SETBP1: variants seen among roughly 807,000 people sequenced by gnomAD.
The protein encoded by SETBP1 is SET binding protein 1.
SETBP1 carries 9 observed loss-of-function variants against 101.0 expected under a neutral mutation model. The ratio of observed to expected loss-of-function variants is 0.09; its 90% CI spans 0.05 to 0.16. The LOEUF (loss-of-function observed/expected upper bound fraction) is 0.16, where lower values mean the gene tolerates loss of function less well. Ranked by LOEUF, SETBP1 falls within the 10% of genes least tolerant of loss-of-function variation. SETBP1 has a pLI of 1.00. For synonymous variants in SETBP1, 818 were observed against 788.5 expected (o/e 1.04, Z -0.63); for missense variants, 1,858 against 2,033.8 (o/e 0.91, Z 1.66).
At chr18:44,821,837 T>G (rs1165274957) in intron 2 of SETBP1, among the ~76,000 whole-genome samples, 1 of 152,238 alleles carries the variant, frequency 6.6e-6, no homozygotes, top group African/African-American at 2.4e-5. Flanking sequence ...AGCAAGGACC[T>G]GGGTCTCCTT....
chr18:44,733,119 A>G (rs2069875006), intron 2 of SETBP1: 1 of 152,168 alleles, frequency 6.6e-6, no homozygotes, highest in Non-Finnish European at 1.5e-5. Context: ...AGAGACCTCT[A>G]AATCTCACAA....
In SETBP1 at chr18:44,838,291, T is replaced by A. The variant is rs561812406; in HGVS notation, c.487-30939T>A. 2.0e-5 allele frequency among the ~76,000 whole-genome samples: 3 copies of A among 152,352 alleles called. No homozygotes were observed. In the South Asian group the frequency reaches 6.2e-4, roughly 32 times the overall value. On this transcript the variant is annotated intron_variant, in intron 2 of 5. Transcript: ENST00000649279. Reference sequence around the variant, plus strand: ...TTATCTACTCCTTTTGTATTGATGTTTAGTATTGAGCTGTATTCGCTTCAC... The same window carrying A: ...TTATCTACTCCTTTTGTATTGATGTATAGTATTGAGCTGTATTCGCTTCAC...
At chr18:45,060,355 C>A (rs1482604119) in intron 5 of SETBP1, among the ~76,000 whole-genome samples, 1 of 152,126 alleles carries the variant, frequency 6.6e-6, no homozygotes, top group African/African-American at 2.4e-5. Flanking sequence ...ACACTCCCAC[C>A]AACAGTATGT....
At chr18:44,686,732 TAGAC>T (rs889316384) in intron 1 of SETBP1, among the ~76,000 whole-genome samples, 1 of 152,326 alleles carries the variant, frequency 6.6e-6, no homozygotes, top group African/African-American at 2.4e-5. Context: ...GAGGGCCCCT[TAGAC>T]AGTGTGAATA....
At chr18:45,041,580 A>G (rs1032016184) in intron 5 of SETBP1, among the ~76,000 whole-genome samples, 1 of 152,230 alleles carries the variant, frequency 6.6e-6, no homozygotes, top group Admixed American at 6.5e-5. Context: ...GAGTTAAACT[A>G]GGTGGCTTAT....
At chr18:44,733,443 G>C (rs1378644864) in intron 2 of SETBP1, 2 of 152,182 alleles carry the variant, frequency 1.3e-5, no homozygotes, top group Non-Finnish European at 2.9e-5. Flanking sequence ...TCAAGGAACT[G>C]TATCTCTCCA....
intron 2 of SETBP1, among the ~76,000 whole-genome samples, chr18:44,703,656 T>C (rs1034087824): frequency 1.3e-5 from 2 of 152,106 alleles, no homozygotes; most frequent in African/African-American, 4.8e-5. Flanking sequence ...CACCTTAGTT[T>C]AACATTTTGG....
intron 4 of SETBP1, among the ~76,000 whole-genome samples, chr18:45,004,169 G>A (rs1207493644): frequency 6.6e-6 from 1 of 152,172 alleles, no homozygotes; most frequent in African/African-American, 2.4e-5. Flanking sequence ...GTAGCATATG[G>A]CATAGGTGTG....
chr18:44,947,533 T>G, intron 3 of SETBP1, among the ~76,000 whole-genome samples: 1 of 148,094 alleles, frequency 6.8e-6, no homozygotes. Flanking sequence ...AGTTTCACTC[T>G]TATTGCCCAG....
Position 45,033,023 on chromosome 18 carries a change from A to T in SETBP1, c.4001-5462A>T, listed in dbSNP as rs983272905. Among the ~76,000 whole-genome samples the T allele has an allele frequency of 3.3e-5, 5 of 152,328 alleles. No individual in the cohort carries two copies. In the South Asian group the frequency reaches 8.3e-4, roughly 25 times the overall value. On this transcript the variant is annotated intron_variant, in intron 4 of 5. Transcript: ENST00000649279. ...TTTTTATTGACTTTGGCACAAAAAA[A>T]TATTATTTCCCAAAACCTACGGGTA...
At chr18:44,855,714 A>T (rs925932408) in intron 2 of SETBP1, among the ~76,000 whole-genome samples, 8 of 152,210 alleles carry the variant, frequency 5.3e-5, no homozygotes, top group Admixed American at 1.3e-4. Flanking sequence ...CCAGAGAGCC[A>T]GTTGTTGAAG....
chr18:44,767,602 G>T (rs1036918194), intron 2 of SETBP1, among the ~76,000 whole-genome samples: 18 of 152,206 alleles, frequency 1.2e-4, no homozygotes, highest in Admixed American at 1.2e-3. Context: ...TTAGTAAATT[G>T]CATTAAATGT....
chr18:44,950,648 C>G lies in SETBP1; in HGVS notation c.1308C>G (p.Ala436=). 6.2e-7 allele frequency: 1 copy of G among 1,614,140 alleles called. No homozygotes were observed. Among genetic ancestry groups the G allele is most frequent in the Non-Finnish European group, 8.5e-7 (1 of 1,180,020 alleles). ...AVVEKIMPEK[A]LASGITMSSE... is the part of the protein sequence containing the mutation. ...TGGAAAAGATCATGCCAGAGAAAGC[C>G]TTGGCTTCTGGAATCACCATGAGCA... Residue 436 remains alanine, a synonymous_variant, in exon 4 of 6, where the codon GCC becomes GCG. Coordinates refer to ENST00000649279, the MANE Select transcript of SETBP1 (RefSeq NM_015559.3).
intron 2 of SETBP1, among the ~76,000 whole-genome samples, chr18:44,772,297 T>C (rs995111946): frequency 6.6e-6 from 1 of 152,178 alleles, no homozygotes; most frequent in African/African-American, 2.4e-5. Flanking sequence ...CCATTTCACA[T>C]GTGGGGAGTG....
chr18:44,870,109 A>T (rs553030768), intron 3 of SETBP1: 3 of 152,304 alleles, frequency 2.0e-5, no homozygotes, highest in African/African-American at 7.2e-5. Flanking sequence ...AAGGTCTCAC[A>T]GTGCTGTACC....
chr18:44,732,147 T>C (rs1287912393), intron 2 of SETBP1, among the ~76,000 whole-genome samples: 1 of 152,194 alleles, frequency 6.6e-6, no homozygotes, highest in Non-Finnish European at 1.5e-5. Context: ...GGATTTAAAA[T>C]AGAAGCTGAC....
At chr18:44,844,158 T>A (rs1471895452) in intron 2 of SETBP1, among the ~76,000 whole-genome samples, 2 of 152,178 alleles carry the variant, frequency 1.3e-5, no homozygotes, top group Non-Finnish European at 2.9e-5. Context: ...TAATTAAAGC[T>A]TTTTGATGTG....
At chr18:44,685,744 A>T (rs897243114) in intron 1 of SETBP1, among the ~76,000 whole-genome samples, 21 of 152,180 alleles carry the variant, frequency 1.4e-4, no homozygotes, top group African/African-American at 5.1e-4. Flanking sequence ...GCCTGGGATT[A>T]TTGTTGCCAT....
intron 2 of SETBP1, among the ~76,000 whole-genome samples, chr18:44,765,127 A>T (rs4146305): frequency 0.83 from 125,870 of 152,158 alleles, 52,141 homozygotes; most frequent in Admixed American, 0.87. Context: ...GCCGCAAACA[A>T]GCTCCGTGTT....
Sources: allele counts gnomAD v4.1 joint callset (sites outside exome capture counted in the v4.1 genomes callset), GRCh38; gene constraint gnomAD v4.1.1; transcripts MANE v1.5; gene names NCBI Gene and HGNC (gene_info 2026-07-23, HGNC 2026-07-21).